Variants in CACNA1B observed in about 807,000 individuals in gnomAD.
CACNA1B encodes voltage-dependent N-type calcium channel subunit alpha-1B.
Under a neutral mutation model 247.2 loss-of-function variants are expected in CACNA1B, and 70 were observed. The ratio of observed to expected loss-of-function variants is 0.28; its 90% CI spans 0.23 to 0.35. The LOEUF is 0.35. CACNA1B is among the 10% of genes least tolerant of loss of function. The pLI, the probability that CACNA1B is intolerant of heterozygous loss-of-function variation, is 1.00. For missense variants in CACNA1B, 2,367 were observed against 3,197.4 expected, an observed-to-expected ratio of 0.74 and a Z score of 6.26; for synonymous variants, 1,231 against 1,294.4, an observed-to-expected ratio of 0.95 and a Z score of 1.05.
At chr9:138,037,472 A>G (rs1340612527) in intron 20 of CACNA1B, among the ~76,000 whole-genome samples, 1 of 152,208 alleles carries the variant, frequency 6.6e-6, no homozygotes, top group Non-Finnish European at 1.5e-5. Flanking sequence ...CAACCTGGCA[A>G]ACATGGTGAA....
chr9:137,975,316 G>A (rs1958206335), intron 11 of CACNA1B, among the ~76,000 whole-genome samples: 2 of 152,314 alleles, frequency 1.3e-5, no homozygotes, highest in South Asian at 4.1e-4. Flanking sequence ...CTGGAGAGGA[G>A]TGCAGTGGTG....
rs1564301985 is a variant in CACNA1B, at chr9:138,123,551, TTGTG to T, written c.*1557_*1560del. On this transcript the variant is annotated 3_prime_UTR_variant, in exon 47 of 47. Transcript: ENST00000371372. ...TACCCCATGATTCTCCTCAAAGAAA[TTGTG>T]TGTGATGTGTGTGTGTGTGTGTGTG... is the stretch of plus-strand genomic sequence containing the variant. The T allele has an allele frequency of 6.1e-5, 7 of 114,514 alleles. No homozygotes were observed. The East Asian group carries it at 8.4e-4, about 14-fold the overall frequency. 7.1% of individuals were successfully genotyped at this position (114,514 alleles called of 1,614,324 possible). A position where few individuals can be genotyped will look rare whatever the true frequency, so the allele number is the denominator to read the frequency against.
At chr9:137,936,495 C>G (rs1049841413) in intron 6 of CACNA1B, among the ~76,000 whole-genome samples, 1 of 152,042 alleles carries the variant, frequency 6.6e-6, no homozygotes, top group Non-Finnish European at 1.5e-5. Flanking sequence ...TAATTAGATC[C>G]CATCTATTTC....
intron 31 of CACNA1B, among the ~76,000 whole-genome samples, chr9:138,067,235 C>G (rs1193024127): frequency 1.3e-5 from 2 of 152,150 alleles, no homozygotes; most frequent in Admixed American, 1.3e-4. Flanking sequence ...AGTCAATAAA[C>G]AATCTTCCTA....
intron 6 of CACNA1B, among the ~76,000 whole-genome samples, chr9:137,939,179 A>G (rs1957702977): frequency 6.6e-6 from 1 of 152,228 alleles, no homozygotes; most frequent in Non-Finnish European, 1.5e-5. Flanking sequence ...AAAGTCAACA[A>G]AGAAACAGTG....
chr9:138,085,143 A>G (rs1960654161), intron 36 of CACNA1B, among the ~76,000 whole-genome samples: 4 of 150,956 alleles, frequency 2.6e-5, no homozygotes, highest in Admixed American at 2.6e-4. Context: ...GCAATTGACA[A>G]TATGAATGAA....
intron 13 of CACNA1B, among the ~76,000 whole-genome samples, chr9:137,985,357 C>T (rs776195926): frequency 2.2e-4 from 33 of 152,200 alleles, no homozygotes; most frequent in Non-Finnish European, 4.9e-4. Flanking sequence ...CCAGAACTTG[C>T]TGGTGTGAGG....
chr9:137,917,395 C>T lies in CACNA1B; in HGVS notation c.930C>T (p.Cys310=). 6.2e-7 allele frequency: 1 copy of T among 1,613,956 alleles called. No individual in the cohort carries two copies. The highest frequency in any genetic ancestry group is 8.5e-7 in the Non-Finnish European group (1 of 1,179,838). ...TTGCCATCTTGACGGTGTTCCAGTG[C>T]ATCACCATGGAGGGCTGGACTGACA... ...ILFAILTVFQ[C]ITMEGWTDIL... is the part of the protein sequence containing the mutation. Residue 310 remains cysteine (C), a synonymous_variant, in exon 6 of 47, where the codon TGC becomes TGT. Transcript: ENST00000371372. This position sits in a 1 kb window ranked among gnomAD's most constrained non-coding sequence, Gnocchi z 5.5.
chr9:137,912,763 C>G (rs1957372083), intron 3 of CACNA1B, among the ~76,000 whole-genome samples: 1 of 152,166 alleles, frequency 6.6e-6, no homozygotes, highest in Non-Finnish European at 1.5e-5. Flanking sequence ...TGCTCCTGCT[C>G]TCAGTCTCCA....
chr9:138,063,296 T>C (rs1959798777), intron 31 of CACNA1B, among the ~76,000 whole-genome samples: 3 of 152,156 alleles, frequency 2.0e-5, no homozygotes, highest in Non-Finnish European at 2.9e-5. Context: ...AGTTGGAGAC[T>C]AGCCTAGGCA....
intron 37 of CACNA1B, among the ~76,000 whole-genome samples, chr9:138,101,629 G>A (rs1017923703): frequency 5.3e-5 from 8 of 152,266 alleles, no homozygotes; most frequent in African/African-American, 1.7e-4. Context: ...TAACCCAGTG[G>A]CTCTCCAGTC....
At chr9:137,893,536 AC>A (rs1193281212) in intron 3 of CACNA1B, among the ~76,000 whole-genome samples, 1 of 151,630 alleles carries the variant, frequency 6.6e-6, no homozygotes, top group African/African-American at 2.4e-5. Flanking sequence ...CTGTAATCCC[AC>A]TTACTCAGGG....
chr9:138,068,360 T>C (rs1960002530), intron 31 of CACNA1B, among the ~76,000 whole-genome samples: 1 of 152,198 alleles, frequency 6.6e-6, no homozygotes, highest in Admixed American at 6.5e-5. Context: ...AAAATATTTA[T>C]GCGTAATCTT....
At position 137,893,508 on chromosome 9, in the gene CACNA1B, G is replaced by A. The variant is rs184516048; in HGVS notation, c.530+10625G>A. ...TACTAAAAATACAAAAGAATGAGCC[G>A]GGCAAGGTGGCACGCGCCTGTAATC... On this transcript the variant is annotated intron_variant, in intron 3 of 46. Transcript: ENST00000371372. 5.3e-5 allele frequency among the ~76,000 whole-genome samples: 8 copies of A among 151,690 alleles called. No individual in the cohort carries two copies. In the East Asian group the frequency reaches 1.4e-3, roughly 26 times the overall value.
chr9:137,948,200 C>T (rs1160704680), intron 6 of CACNA1B, among the ~76,000 whole-genome samples: 2 of 152,112 alleles, frequency 1.3e-5, no homozygotes, highest in Admixed American at 6.5e-5. Flanking sequence ...AGGCTGGTCT[C>T]GCACTCCTGA....
rs901144449 is a variant in CACNA1B at position 137,897,049 on chromosome 9, C to T, written c.530+14166C>T. Among the ~76,000 whole-genome samples the T allele has an allele frequency of 7.9e-5, 12 of 152,202 alleles. No individual in the cohort carries two copies. The South Asian group carries it at 1.5e-3, about 18-fold the overall frequency. ...GGCTTTTTCTTTCCGGTCAGTCTTG[C>T]TGGAAATTTGTCAATTATGTCAGTT... On this transcript the variant is annotated intron_variant, in intron 3 of 46. Transcript: ENST00000371372.
Position 137,974,949 on chromosome 9 carries a change from T to C in CACNA1B, c.1544-958T>C, listed in dbSNP as rs1958200469. 6.6e-6 allele frequency among the ~76,000 whole-genome samples: 1 copy of C among 152,160 alleles called. No homozygotes were observed. Among genetic ancestry groups the C allele is most frequent in the Non-Finnish European group, 1.5e-5 (1 of 68,010 alleles). ...TAAGAGCCAATCCCTGCCCAACCCT[T>C]TGGGAGGAGAGTCAGAGACAGTGGC... On this transcript the variant is annotated intron_variant, in intron 11 of 46. Coordinates refer to ENST00000371372, the MANE Select transcript of CACNA1B (RefSeq NM_000718.4). The surrounding 1 kb of genome is among the most constrained non-coding windows in gnomAD (Gnocchi z 4.5).
At chr9:138,084,529 C>T (rs1400299463) in intron 36 of CACNA1B, among the ~76,000 whole-genome samples, 1 of 151,346 alleles carries the variant, frequency 6.6e-6, no homozygotes, top group Non-Finnish European at 1.5e-5. Context: ...TATACCACTG[C>T]ACCTGGAAAC....
intron 31 of CACNA1B, among the ~76,000 whole-genome samples, chr9:138,065,210 C>G (rs1358403872): frequency 1.3e-5 from 2 of 152,216 alleles, no homozygotes; most frequent in Admixed American, 1.3e-4. Flanking sequence ...CATCCTCATC[C>G]AGTCCCTCCC....
Sources: allele counts gnomAD v4.1 joint callset (sites outside exome capture counted in the v4.1 genomes callset), GRCh38; gene constraint gnomAD v4.1.1; non-coding constraint Gnocchi (gnomAD v3.1); transcripts MANE v1.5; gene names NCBI Gene and HGNC (gene_info 2026-07-23, HGNC 2026-07-21).